Variants in RGS6 observed in about 807,000 individuals in gnomAD.
RGS6 encodes the protein regulator of G-protein signaling 6.
Under a neutral mutation model 78.5 loss-of-function variants are expected in RGS6, and 30 were observed. The observed-to-expected ratio is 0.38, with a 90% CI of 0.29 to 0.52. RGS6 has a LOEUF of 0.52. Ranked by LOEUF, RGS6 falls within the 20% of genes least tolerant of loss-of-function variation. The pLI is 0.85. For synonymous variants in RGS6, 206 were observed against 206.0 expected (o/e 1.00, Z 0.00); for missense variants, 495 against 609.7 (o/e 0.81, Z 1.98).
At chr14:72,091,130 C>G (rs2095255421) in intron 2 of RGS6, among the ~76,000 whole-genome samples, 1 of 25,432 alleles carries the variant, frequency 3.9e-5, no homozygotes, top group Admixed American at 9.2e-4. Flanking sequence ...GGACTTCACA[C>G]TGGCTGTCTC....
chr14:72,324,999 A>G (rs1181561537), intron 2 of RGS6, among the ~76,000 whole-genome samples: 2 of 152,192 alleles, frequency 1.3e-5, no homozygotes, highest in Non-Finnish European at 2.9e-5. Flanking sequence ...CTATTTCTCC[A>G]CATGCTCTCC....
intron 3 of RGS6, among the ~76,000 whole-genome samples, chr14:72,396,201 C>T (rs991801951): frequency 6.6e-6 from 1 of 152,162 alleles, no homozygotes; most frequent in Non-Finnish European, 1.5e-5. Context: ...CCTGTTGTTT[C>T]CTGACTTTTT....
intron 2 of RGS6, among the ~76,000 whole-genome samples, chr14:72,262,886 C>T (rs1000735736): frequency 6.6e-6 from 1 of 152,102 alleles, no homozygotes; most frequent in African/African-American, 2.4e-5. Context: ...CTGTGTCCCC[C>T]CATGTTGGCC....
intron 2 of RGS6, among the ~76,000 whole-genome samples, chr14:72,334,408 A>G (rs1441104670): frequency 6.6e-6 from 1 of 152,184 alleles, no homozygotes; most frequent in Non-Finnish European, 1.5e-5. Context: ...TTAAGCCCAT[A>G]GGGTGGACAA....
At chr14:71,990,769 A>C (rs1489177266) in intron 2 of RGS6, 3 of 455,936 alleles carry the variant, frequency 6.6e-6, no homozygotes, top group Non-Finnish European at 1.3e-5. Flanking sequence ...CCAAACTCCA[A>C]ATGCCTATAT....
At chr14:72,383,956 A>T (rs2087048057) in intron 3 of RGS6, among the ~76,000 whole-genome samples, 1 of 152,230 alleles carries the variant, frequency 6.6e-6, no homozygotes, top group African/African-American at 2.4e-5. Flanking sequence ...GAATTGCTAC[A>T]GTTACTTTTG....
chr14:72,210,133 G>A (rs550651263), intron 2 of RGS6, among the ~76,000 whole-genome samples: 1 of 152,182 alleles, frequency 6.6e-6, no homozygotes, highest in South Asian at 2.1e-4. Context: ...TTTGACAGAT[G>A]GAGAAAATTA....
chr14:72,476,170 A>G (rs985892695), intron 10 of RGS6, among the ~76,000 whole-genome samples: 1 of 152,204 alleles, frequency 6.6e-6, no homozygotes, highest in South Asian at 2.1e-4. Flanking sequence ...AGCTACGGAC[A>G]TGTGGAAAAA....
At chr14:71,915,127 G>A in the RGS6 span, among the ~76,000 whole-genome samples, 7 of 151,870 alleles carry the variant, frequency 4.6e-5, no homozygotes, top group African/African-American at 9.7e-5. Context: ...GCATGGTGGC[G>A]TGTGCCTGTA....
At chr14:72,543,561 T>C (rs1180869128) in intron 17 of RGS6, among the ~76,000 whole-genome samples, 1 of 152,214 alleles carries the variant, frequency 6.6e-6, no homozygotes, top group African/African-American at 2.4e-5. Context: ...CAGCTGTTCT[T>C]CAGATTCTTT....
In RGS6 at chr14:72,288,270, A is replaced by G. The variant is rs140812295; in HGVS notation, c.85-63825A>G. 2.4e-4 allele frequency among the ~76,000 whole-genome samples: 37 copies of G among 152,346 alleles called. No homozygotes were observed. In the East Asian group the frequency reaches 7.1e-3, roughly 29 times the overall value. On this transcript the variant is annotated intron_variant, in intron 2 of 17. Transcript: ENST00000553525. ...CAAGAATTGTCCCTCAAAAGGTACTAGAAAACTCAGTTCTTACTTTTAAGA... is the reference window on the plus strand; with the variant it reads ...CAAGAATTGTCCCTCAAAAGGTACTGGAAAACTCAGTTCTTACTTTTAAGA...
At chr14:72,126,976 G>T (rs1320686768) in intron 2 of RGS6, among the ~76,000 whole-genome samples, 1 of 152,170 alleles carries the variant, frequency 6.6e-6, no homozygotes, top group Admixed American at 6.5e-5. Context: ...GAGGCATGAG[G>T]TTGGGGGTAT....
chr14:71,966,507 C>T (rs1456530672), intron 2 of RGS6, among the ~76,000 whole-genome samples: 1 of 152,192 alleles, frequency 6.6e-6, no homozygotes, highest in Non-Finnish European at 1.5e-5. Context: ...AACTGGGAGA[C>T]CCCGTGCCAG....
At chr14:72,231,500 T>C (rs11851422) in intron 2 of RGS6, among the ~76,000 whole-genome samples, 17,525 of 152,176 alleles carry the variant, frequency 0.12, 1,263 homozygotes, top group East Asian at 0.33. Context: ...AGTCTCTGCC[T>C]TCATGGGGCT....
intron 3 of RGS6, among the ~76,000 whole-genome samples, chr14:72,356,249 T>A (rs999359465): frequency 6.6e-6 from 1 of 152,050 alleles, no homozygotes; most frequent in Non-Finnish European, 1.5e-5. Context: ...TCTCCCGTGC[T>A]GTTCTCATAA....
chr14:72,562,556 A>G lies in RGS6; in HGVS notation c.*89A>G. 6.3e-7 allele frequency: 1 copy of G among 1,582,038 alleles called. No homozygotes were observed. The highest frequency in any genetic ancestry group is 8.5e-7 in the Non-Finnish European group (1 of 1,170,508). On this transcript the variant is annotated 3_prime_UTR_variant, in exon 18 of 18. Transcript: ENST00000553525. Reference sequence around the variant, plus strand: ...CATCTGCGGACAGAGTTTCCTTACGAGGAGACTTGGTCACTGTGAAGGAGA... The same window carrying G: ...CATCTGCGGACAGAGTTTCCTTACGGGGAGACTTGGTCACTGTGAAGGAGA...
rs552886515 is a variant in RGS6, at chr14:72,490,741, C to T, written c.855-4411C>T. ...GGGTCATGATAAACACCTGGGACAG[C>T]GAGGAGGCTCTGAGGTGTCCGAAAA... On this transcript the variant is annotated intron_variant, in intron 12 of 17. Transcript: ENST00000553525. Among the ~76,000 whole-genome samples, 70 of 152,286 alleles carry T rather than the reference C, an allele frequency of 4.6e-4. 1 individual carries two copies. Among genetic ancestry groups the T allele is most frequent in the South Asian group, 2.9e-3 (14 of 4,816 alleles).
intron 1 of RGS6, among the ~76,000 whole-genome samples, chr14:71,955,032 G>A (rs866540217): frequency 6.6e-6 from 1 of 152,140 alleles, no homozygotes; most frequent in African/African-American, 2.4e-5. Flanking sequence ...AGGTAGGTAG[G>A]CACTTAGTGT....
chr14:72,151,540 A>G (rs1404400442), intron 2 of RGS6, among the ~76,000 whole-genome samples: 1 of 152,204 alleles, frequency 6.6e-6, no homozygotes, highest in Non-Finnish European at 1.5e-5. Context: ...GAAAAAAGCT[A>G]GAGGCACAAA....
Sources: allele counts gnomAD v4.1 joint callset (sites outside exome capture counted in the v4.1 genomes callset), GRCh38; gene constraint gnomAD v4.1.1; transcripts MANE v1.5; gene names NCBI Gene and HGNC (gene_info 2026-07-23, HGNC 2026-07-21).